CSDC2: variants seen among roughly 807,000 people sequenced by gnomAD.
CSDC2 encodes the protein cold shock domain containing C2.
Under a neutral mutation model 15.8 loss-of-function variants are expected in CSDC2, and 8 were observed. The observed-to-expected ratio is 0.51, with a 90% CI of 0.30 to 0.92. CSDC2 has a LOEUF of 0.92. Ranked by LOEUF, CSDC2 falls within the 40% of genes least tolerant of loss-of-function variation. The pLI is 0.07. For missense variants in CSDC2, 195 were observed against 213.3 expected, an observed-to-expected ratio of 0.91 and a Z score of 0.53; for synonymous variants, 96 against 92.3, an observed-to-expected ratio of 1.04 and a Z score of -0.23.
At chr22:41,571,432 G>C (rs1156543800) in intron 1 of CSDC2, among the ~76,000 whole-genome samples, 1 of 152,166 alleles carries the variant, frequency 6.6e-6, no homozygotes, top group Non-Finnish European at 1.5e-5. Context: ...ACCCAGGCCT[G>C]GGTGTGGAGC....
At position 41,568,430 on chromosome 22, in the gene CSDC2, C is replaced by T. The variant is rs974824792; in HGVS notation, c.-123-3413C>T. Among the ~76,000 whole-genome samples the T allele has an allele frequency of 1.4e-4, 21 of 152,186 alleles. No homozygotes were observed. In the South Asian group the frequency reaches 2.3e-3, roughly 17 times the overall value. On this transcript the variant is annotated intron_variant, in intron 1 of 3. Coordinates refer to ENST00000306149, the MANE Select transcript of CSDC2 (RefSeq NM_014460.4). ...GCCCAAGTAGCTGGGACTACAGGTG[C>T]GCCACCGCCATGCCTAGCTAATTTT...
rs1416216854 is a variant in CSDC2 at position 41,576,602 on chromosome 22, A to T, written c.*1707A>T. The T allele has an allele frequency of 6.5e-6, 1 of 153,170 alleles. No individual in the cohort carries two copies. The highest frequency in any genetic ancestry group is 2.5e-5 in the African/African-American group (1 of 40,068). 9.5% of individuals were successfully genotyped at this position (153,170 alleles called of 1,614,324 possible). A position where few individuals can be genotyped will look rare whatever the true frequency, so the allele number is the denominator to read the frequency against. On this transcript the variant is annotated 3_prime_UTR_variant, in exon 4 of 4. Coordinates refer to ENST00000306149, the MANE Select transcript of CSDC2 (RefSeq NM_014460.4). The stretch of plus-strand genomic sequence containing the variant: ...GTGCTCATTTGGAATTCCTCCCAAG[A>T]CCCCTGGCCACCCAGACCCCCCATT...
Position 41,572,142 on chromosome 22 carries a change from G to T in CSDC2, c.176+1G>T. 1 of 1,312,942 alleles carries T rather than the reference G, an allele frequency of 7.6e-7. No individual in the cohort carries two copies. The highest frequency in any genetic ancestry group is 2.9e-5 in the South Asian group (1 of 34,370). The allele number at this position is 1,312,942 out of a possible 1,614,324, so 81.3% of individuals were successfully genotyped here. A position where few individuals can be genotyped will look rare whatever the true frequency, so the allele number is the denominator to read the frequency against. ...CCAAGCGGACCAGGACCTATTCAGC[G>T]TGAGTACCTGCCCCTTGCCCAGGCC... On this transcript the variant is annotated splice_donor_variant, in intron 2 of 3. Transcript: ENST00000306149. LOFTEE classifies it high-confidence loss of function.
intron 1 of CSDC2, among the ~76,000 whole-genome samples, chr22:41,562,778 G>C (rs532003547): frequency 6.6e-6 from 1 of 152,316 alleles, no homozygotes; most frequent in Non-Finnish European, 1.5e-5. Flanking sequence ...GCTAAAAGTA[G>C]TAGGGAGCTC....
chr22:41,565,708 C>T (rs2145596526), intron 1 of CSDC2, among the ~76,000 whole-genome samples: 1 of 152,322 alleles, frequency 6.6e-6, no homozygotes. Flanking sequence ...GTTCATCTGC[C>T]AAGAAGGCTG....
In CSDC2 at chr22:41,561,076, ACACAC is replaced by A. The variant is rs1268554973; in HGVS notation, c.-230_-226del. ...CACACACACACACACACACACACACACACACATCTTCCAGACCCATCCCCTGCCTG... is the reference window on the plus strand; with the variant it reads ...CACACACACACACACACACACACACAATCTTCCAGACCCATCCCCTGCCTG... On this transcript the variant is annotated 5_prime_UTR_variant, in exon 1 of 4. Transcript: ENST00000306149. 4.1e-3 allele frequency: 316 copies of A among 77,236 alleles called. 1 individual carries two copies. Among genetic ancestry groups the A allele is most frequent in the Middle Eastern group, 0.014 (2 of 142 alleles). 4.8% of individuals were successfully genotyped at this position (77,236 alleles called of 1,614,324 possible). A position where few individuals can be genotyped will look rare whatever the true frequency, so the allele number is the denominator to read the frequency against.
At chr22:41,566,294 A>T (rs1178475763) in intron 1 of CSDC2, among the ~76,000 whole-genome samples, 1 of 151,972 alleles carries the variant, frequency 6.6e-6, no homozygotes, top group Non-Finnish European at 1.5e-5. Flanking sequence ...AATACAAAAA[A>T]TTAGCTGGGC....
intron 2 of CSDC2, among the ~76,000 whole-genome samples, chr22:41,572,350 A>T (rs1249299307): frequency 4.8e-5 from 1 of 20,644 alleles, no homozygotes; most frequent in South Asian, 1.1e-3. Context: ...CCATCCACCC[A>T]CCCACCCACC....
intron 2 of CSDC2, among the ~76,000 whole-genome samples, chr22:41,572,613 C>G (rs2067153639): frequency 6.6e-6 from 1 of 152,160 alleles, no homozygotes; most frequent in Non-Finnish European, 1.5e-5. Context: ...TGTTCACCAT[C>G]CATTACCACC....
intron 1 of CSDC2, among the ~76,000 whole-genome samples, chr22:41,564,679 T>C (rs1383639864): frequency 6.6e-6 from 1 of 152,200 alleles, no homozygotes; most frequent in Non-Finnish European, 1.5e-5. Context: ...TTCATTTACA[T>C]ATGTGTTTTT....
chr22:41,563,165 C>G (rs1339781249), intron 1 of CSDC2, among the ~76,000 whole-genome samples: 1 of 152,132 alleles, frequency 6.6e-6, no homozygotes, highest in African/African-American at 2.4e-5. Flanking sequence ...GGGCAGCCCT[C>G]ATGCACAGAC....
chr22:41,574,988 A>T lies in CSDC2; in HGVS notation c.*93A>T. ...GCTCCATGCCCCACTGCCCTGGCTG[A>T]TGAGTCCTTCGGTGGCCTCAGTGTG... On this transcript the variant is annotated 3_prime_UTR_variant, in exon 4 of 4. Transcript: ENST00000306149. 1 of 1,427,420 alleles carries T rather than the reference A, an allele frequency of 7.0e-7. No homozygotes were observed. 88.4% of individuals were successfully genotyped at this position (1,427,420 alleles called of 1,614,324 possible). A position where few individuals can be genotyped will look rare whatever the true frequency, so the allele number is the denominator to read the frequency against.
At chr22:41,562,594 G>A (rs1313165121) in intron 1 of CSDC2, among the ~76,000 whole-genome samples, 1 of 152,038 alleles carries the variant, frequency 6.6e-6, no homozygotes, top group Non-Finnish European at 1.5e-5. Context: ...GGTGGGGAGG[G>A]GACACCTGCC....
rs1444524300 is a variant in CSDC2 at position 41,575,633 on chromosome 22, G to C, written c.*738G>C. On this transcript the variant is annotated 3_prime_UTR_variant, in exon 4 of 4. Transcript: ENST00000306149. ...CTGGGCTGTACTGAGCCGAGCCCAG[G>C]GGTTTGCAGAGGGTGGGGGTCCATC... 7 of 152,562 alleles carry C rather than the reference G, an allele frequency of 4.6e-5. No individual in the cohort carries two copies. The highest frequency in any genetic ancestry group is 8.8e-5 in the Non-Finnish European group (6 of 68,328). The allele number at this position is 152,562 out of a possible 1,614,324, so 9.5% of individuals were successfully genotyped here. A position where few individuals can be genotyped will look rare whatever the true frequency, so the allele number is the denominator to read the frequency against.
intron 1 of CSDC2, 54 bp from the exon 2 acceptor site, chr22:41,571,789 C>T: frequency 2.5e-6 from 1 of 408,160 alleles, no homozygotes; most frequent in East Asian, 3.6e-5. Flanking sequence ...GGCCAGGGTT[C>T]AGGAGCTGCT....
At chr22:41,567,792 C>A (rs1367262877) in intron 1 of CSDC2, among the ~76,000 whole-genome samples, 1 of 152,228 alleles carries the variant, frequency 6.6e-6, no homozygotes, top group African/African-American at 2.4e-5. Flanking sequence ...CTCTTTGAGC[C>A]TCGATTTTCT....
intron 1 of CSDC2, among the ~76,000 whole-genome samples, chr22:41,565,473 G>A (rs1203452818): frequency 1.4e-5 from 2 of 146,428 alleles, no homozygotes; most frequent in Non-Finnish European, 1.5e-5. Context: ...AAAAAAAAGA[G>A]GACTATGGCC....
At chr22:41,572,761 C>G (rs188956332) in intron 2 of CSDC2, among the ~76,000 whole-genome samples, 1 of 152,172 alleles carries the variant, frequency 6.6e-6, no homozygotes, top group East Asian at 1.9e-4. Flanking sequence ...ACCCAAGACA[C>G]GGAGTTAACC....
chr22:41,566,484 G>A (rs1294017554), intron 1 of CSDC2, among the ~76,000 whole-genome samples: 4 of 150,218 alleles, frequency 2.7e-5, no homozygotes, highest in African/African-American at 9.8e-5. Flanking sequence ...AAAATTAGCT[G>A]GGTGTGGTGG....
Sources: allele counts gnomAD v4.1 joint callset (sites outside exome capture counted in the v4.1 genomes callset), GRCh38; gene constraint gnomAD v4.1.1; transcripts MANE v1.5; gene names NCBI Gene and HGNC (gene_info 2026-07-23, HGNC 2026-07-21).